The following IGF1R variants were observed in gnomAD, a reference collection of about 807,000 sequenced individuals.
IGF1R encodes insulin-like growth factor 1 receptor.
A neutral mutation model predicts 144.6 loss-of-function variants in IGF1R; 44 were observed. The observed-to-expected ratio is 0.30, with a 90% CI of 0.24 to 0.39. IGF1R has a LOEUF of 0.39. Ranked by LOEUF, IGF1R falls within the 10% of genes least tolerant of loss-of-function variation. IGF1R has a pLI of 1.00. For missense variants in IGF1R, 1,355 were observed against 1,833.7 expected (o/e 0.74, Z 4.77); for synonymous variants, 795 against 722.8 (o/e 1.10, Z -1.60).
Position 98,891,777 on chromosome 15 carries a change from G to A in IGF1R, c.953+140G>A. ...TGAGGTGGGTCATTTTGAGAGGGCT[G>A]GCTTACCTTAAATGTTTGGTGAGAT... On this transcript the variant is annotated intron_variant, in intron 3 of 20. Coordinates refer to ENST00000650285, the MANE Select transcript of IGF1R (RefSeq NM_000875.5). The surrounding 1 kb of genome is among the most constrained non-coding windows in gnomAD (Gnocchi z 4.7). The A allele has an allele frequency of 1.3e-6, 1 of 775,744 alleles. No homozygotes were observed. The highest frequency in any genetic ancestry group is 2.1e-6 in the Non-Finnish European group (1 of 470,452). The allele number at this position is 775,744 out of a possible 1,614,324, so 48.1% of individuals were successfully genotyped here. A position where few individuals can be genotyped will look rare whatever the true frequency, so the allele number is the denominator to read the frequency against.
chr15:98,729,989 C>T (rs2054460295), intron 2 of IGF1R, among the ~76,000 whole-genome samples: 1 of 152,300 alleles, frequency 6.6e-6, no homozygotes, highest in South Asian at 2.1e-4. Flanking sequence ...TAAAGGGCAT[C>T]TGGTCTAAAG....
chr15:98,662,635 A>C (rs960037338), intron 1 of IGF1R, among the ~76,000 whole-genome samples: 2 of 152,098 alleles, frequency 1.3e-5, no homozygotes, highest in African/African-American at 4.8e-5. Context: ...AGAGTAACAG[A>C]TGCTATGAGT....
intron 2 of IGF1R, among the ~76,000 whole-genome samples, chr15:98,804,424 A>G (rs1428380192): frequency 6.6e-6 from 1 of 152,156 alleles, no homozygotes; most frequent in East Asian, 1.9e-4. Context: ...TAGGAGGCAC[A>G]AGTAGAGGGG....
chr15:98,919,294 G>T (rs1327813413), intron 10 of IGF1R, among the ~76,000 whole-genome samples: 1 of 152,140 alleles, frequency 6.6e-6, no homozygotes. Context: ...CCTGCTGCCC[G>T]CCACACGGAA....
At chr15:98,797,340 CAG>C (rs144575852) in intron 2 of IGF1R, among the ~76,000 whole-genome samples, 1,723 of 152,350 alleles carry the variant, frequency 0.011, 35 homozygotes, top group African/African-American at 0.039. Context: ...AAAGCCCACT[CAG>C]GGGGAAGGTA....
chr15:98,910,428 C>T (rs977723260), intron 6 of IGF1R, among the ~76,000 whole-genome samples: 9 of 152,216 alleles, frequency 5.9e-5, no homozygotes, highest in African/African-American at 7.2e-5. Flanking sequence ...ATCTCAGTTG[C>T]GCACATTTTG....
intron 2 of IGF1R, among the ~76,000 whole-genome samples, chr15:98,842,894 G>A (rs758053445): frequency 6.6e-6 from 1 of 152,116 alleles, no homozygotes; most frequent in Non-Finnish European, 1.5e-5. Flanking sequence ...TTAGTCTGGG[G>A]GTGAGCGTTT....
Position 98,947,674 on chromosome 15 carries a change from A to G in IGF1R, c.3588-900A>G, listed in dbSNP as rs534231774. ...GTGTGTACTCTCTGTTTTGTTTTCCAGTGGTTTGATCTTCTAAACTGGCAA... is the reference window on the plus strand; with the variant it reads ...GTGTGTACTCTCTGTTTTGTTTTCCGGTGGTTTGATCTTCTAAACTGGCAA... On this transcript the variant is annotated intron_variant, in intron 19 of 20. Coordinates refer to ENST00000650285, the MANE Select transcript of IGF1R (RefSeq NM_000875.5). Among the ~76,000 whole-genome samples the G allele has an allele frequency of 5.9e-5, 9 of 152,286 alleles. No individual in the cohort carries two copies. In the East Asian group the frequency reaches 1.3e-3, roughly 23 times the overall value.
chr15:98,963,142 T>C lies in IGF1R; in HGVS notation c.*5700T>C, dbSNP rs1374047977. 8.6e-6 allele frequency: 2 copies of C among 233,522 alleles called. No homozygotes were observed. The highest frequency in any genetic ancestry group is 1.7e-5 in the Non-Finnish European group (2 of 118,046). The allele number at this position is 233,522 out of a possible 1,614,324, so 14.5% of individuals were successfully genotyped here. A position where few individuals can be genotyped will look rare whatever the true frequency, so the allele number is the denominator to read the frequency against. On this transcript the variant is annotated 3_prime_UTR_variant, in exon 21 of 21. Transcript: ENST00000650285. Reference sequence around the variant, plus strand: ...GAATAATTTTATAAAATGTTTGTAGTTTATAATTGCCGAAAATAATTTAAA... The same window carrying C: ...GAATAATTTTATAAAATGTTTGTAGCTTATAATTGCCGAAAATAATTTAAA...
rs983775169 is a variant in IGF1R at position 98,935,243 on chromosome 15, C to T, written c.3187-73C>T. On this transcript the variant is annotated intron_variant, in intron 16 of 20. Coordinates refer to ENST00000650285, the MANE Select transcript of IGF1R (RefSeq NM_000875.5). This position sits in a 1 kb window ranked among gnomAD's most constrained non-coding sequence, Gnocchi z 4.2. ...AGACCAGGCCGCAGCACCACAGAGA[C>T]AGTTCCAGACAACACAGGCATCAGC... The T allele has an allele frequency of 1.9e-6, 2 of 1,076,844 alleles. No homozygotes were observed. Among genetic ancestry groups the T allele is most frequent in the South Asian group, 2.7e-5 (2 of 74,288 alleles). 66.7% of individuals were successfully genotyped at this position (1,076,844 alleles called of 1,614,324 possible). A position where few individuals can be genotyped will look rare whatever the true frequency, so the allele number is the denominator to read the frequency against.
chr15:98,903,346 A>G (rs1380554443), intron 5 of IGF1R, among the ~76,000 whole-genome samples: 1 of 152,228 alleles, frequency 6.6e-6, no homozygotes, highest in Non-Finnish European at 1.5e-5. Context: ...GTGGTGAGTT[A>G]AAAGAATTGA....
At chr15:98,900,074 G>GGGCGGTTCGTTTT (rs1410505915) in intron 5 of IGF1R, among the ~76,000 whole-genome samples, 1 of 152,212 alleles carries the variant, frequency 6.6e-6, no homozygotes, top group East Asian at 1.9e-4. Flanking sequence ...GGAGGAGCAT[G>GGGCGGTTCGTTTT]GGCGGTTCGT....
In IGF1R at chr15:98,960,292, C is replaced by CTTTTT; in HGVS notation, c.*2853_*2857dup. 1 of 231,108 alleles carries CTTTTT rather than the reference C, an allele frequency of 4.3e-6. No individual in the cohort carries two copies. The highest frequency in any genetic ancestry group is 8.5e-6 in the Non-Finnish European group (1 of 117,154). The allele number at this position is 231,108 out of a possible 1,614,324, so 14.3% of individuals were successfully genotyped here. ...TTCTGAGATGTCCTGTTTTGTGTTG[C>CTTTTT]TTTTTTTGTTTTGTTTTCTATCTTG... On this transcript the variant is annotated 3_prime_UTR_variant, in exon 21 of 21. Transcript: ENST00000650285.
chr15:98,707,538 G>A lies in IGF1R; in HGVS notation c.95-24G>A, dbSNP rs753610785. On this transcript the variant is annotated intron_variant, in intron 1 of 20. Coordinates refer to ENST00000650285, the MANE Select transcript of IGF1R (RefSeq NM_000875.5). This position sits in a 1 kb window ranked among gnomAD's most constrained non-coding sequence, Gnocchi z 6.7. ...AAAATTATTTCCTTCTAACTGAGAC[G>A]TTTACCCTCTTGTCTCCCTTCAGTC... The A allele has an allele frequency of 2.2e-5, 36 of 1,612,438 alleles. No homozygotes were observed. Among genetic ancestry groups the A allele is most frequent in the Admixed American group, 5.0e-5 (3 of 59,958 alleles).
intron 2 of IGF1R, among the ~76,000 whole-genome samples, chr15:98,847,071 G>C (rs1378722812): frequency 6.6e-6 from 1 of 152,022 alleles, no homozygotes; most frequent in East Asian, 1.9e-4. Context: ...CTACCTCCTG[G>C]GTTCAAGTGA....
At chr15:98,944,820 C>G (rs1408652057) in intron 19 of IGF1R, among the ~76,000 whole-genome samples, 1 of 152,260 alleles carries the variant, frequency 6.6e-6, no homozygotes. Flanking sequence ...CAAAGGCAGG[C>G]CAGCCTCATG....
chr15:98,661,509 T>G (rs919487619), intron 1 of IGF1R, among the ~76,000 whole-genome samples: 1 of 152,234 alleles, frequency 6.6e-6, no homozygotes, highest in African/African-American at 2.4e-5. Context: ...CAAGAGTAGC[T>G]TGTAAAAAAG....
chr15:98,751,277 T>C (rs902319680), intron 2 of IGF1R, among the ~76,000 whole-genome samples: 1 of 152,200 alleles, frequency 6.6e-6, no homozygotes, highest in African/African-American at 2.4e-5. Flanking sequence ...CGTAACTCAC[T>C]GAAGCCTTGA....
intron 2 of IGF1R, among the ~76,000 whole-genome samples, chr15:98,737,814 G>A (rs1010935860): frequency 5.9e-5 from 9 of 152,110 alleles, no homozygotes; most frequent in Non-Finnish European, 1.0e-4. Flanking sequence ...AAGTTCTGTC[G>A]TCTTCTGTGC....
Sources: allele counts gnomAD v4.1 joint callset (sites outside exome capture counted in the v4.1 genomes callset), GRCh38; gene constraint gnomAD v4.1.1; non-coding constraint Gnocchi (gnomAD v3.1); transcripts MANE v1.5; gene names NCBI Gene and HGNC (gene_info 2026-07-23, HGNC 2026-07-21).